The following PCDHA7 variants were observed in gnomAD, a reference collection of about 807,000 sequenced individuals.
PCDHA7 encodes protocadherin alpha-7.
Under a neutral mutation model 57.2 loss-of-function variants are expected in PCDHA7, and 37 were observed. That is an observed-to-expected ratio of 0.65 (90% CI 0.50 to 0.85). The LOEUF (loss-of-function observed/expected upper bound fraction) is 0.85, where lower values mean the gene tolerates loss of function less well. Among genes scored for constraint, PCDHA7 ranks in the 40% least tolerant of loss-of-function variants. The pLI is 0.00. For missense variants in PCDHA7, 1,188 were observed against 1,241.8 expected (o/e 0.96, Z 0.65); for synonymous variants, 553 against 558.8 (o/e 0.99, Z 0.15).
At chr5:140,891,025 T>G (rs1554184622) in intron 1 of PCDHA7, among the ~76,000 whole-genome samples, 1 of 151,814 alleles carries the variant, frequency 6.6e-6, no homozygotes, top group African/African-American at 2.4e-5. Flanking sequence ...TCTGAGGGTA[T>G]AATCTTAGGT....
In PCDHA7 at chr5:140,843,721, T is replaced by C. The variant is rs2150365557; in HGVS notation, c.2355+6983T>C. 8 of 1,563,020 alleles carry C rather than the reference T, an allele frequency of 5.1e-6. 1 individual carries two copies. Among genetic ancestry groups the C allele is most frequent in the Non-Finnish European group, 7.0e-6 (8 of 1,139,046 alleles). On this transcript the variant is annotated intron_variant, in intron 1 of 3. Coordinates refer to ENST00000525929, the MANE Select transcript of PCDHA7 (RefSeq NM_018910.3). ...ATGTTGATCATGGCCTCAAAGTAAG[T>C]CCATTTAAATTTAGAACTCATAAAT...
chr5:140,863,664 A>ATTTTGC (rs1331349828), intron 1 of PCDHA7: 1 of 285,864 alleles, frequency 3.5e-6, no homozygotes, highest in Non-Finnish European at 6.9e-6. Flanking sequence ...TGCTTTATTT[A>ATTTTGC]TTTTGCTTTT....
chr5:140,841,219 G>C (rs2150312047), intron 1 of PCDHA7: 33 of 1,437,984 alleles, frequency 2.3e-5, no homozygotes, highest in Admixed American at 4.6e-5. Flanking sequence ...TCTAAAGGCC[G>C]AACAACGGGA....
intron 1 of PCDHA7, among the ~76,000 whole-genome samples, chr5:140,935,315 A>G (rs552631416): frequency 5.9e-5 from 9 of 152,306 alleles, no homozygotes; most frequent in East Asian, 5.8e-4. Context: ...AACTTCATCA[A>G]TCTTACATTC....
intron 1 of PCDHA7, chr5:140,863,783 G>A: frequency 4.4e-6 from 1 of 226,522 alleles, no homozygotes; most frequent in South Asian, 6.5e-5. Flanking sequence ...CGGATCACTC[G>A]AGGCCAGGAG....
intron 3 of PCDHA7, among the ~76,000 whole-genome samples, chr5:140,988,678 T>G (rs190740461): frequency 6.6e-6 from 1 of 152,314 alleles, no homozygotes. Context: ...CTAAGATAAT[T>G]CTTTCCCTAG....
At chr5:140,882,300 C>T in intron 1 of PCDHA7, 2 of 1,613,722 alleles carry the variant, frequency 1.2e-6, no homozygotes, top group Non-Finnish European at 1.7e-6. Context: ...GGCCCAAGAC[C>T]GCGGCAACTA....
chr5:140,884,334 C>T (rs1405987385), intron 1 of PCDHA7: 1 of 1,613,746 alleles, frequency 6.2e-7, no homozygotes, highest in Non-Finnish European at 8.5e-7. Context: ...GCTGTGGGTC[C>T]AGAAGCGGCG....
intron 1 of PCDHA7, chr5:140,850,119 G>A: frequency 1.3e-6 from 2 of 1,596,076 alleles, no homozygotes; most frequent in East Asian, 2.2e-5. Flanking sequence ...CGACGCGGGC[G>A]TGCCGCCTCT....
At chr5:140,855,521 G>A (rs1349311147) in intron 1 of PCDHA7, among the ~76,000 whole-genome samples, 1 of 149,904 alleles carries the variant, frequency 6.7e-6, no homozygotes, top group Admixed American at 6.7e-5. Context: ...AAAATAATGA[G>A]AAAGAGAAGT....
At chr5:140,995,924 G>A (rs998405229) in intron 3 of PCDHA7, among the ~76,000 whole-genome samples, 16 of 152,308 alleles carry the variant, frequency 1.1e-4, no homozygotes, top group African/African-American at 3.8e-4. Flanking sequence ...ATAGGCTGTT[G>A]TAAGTATTAA....
In PCDHA7 at chr5:140,982,522, G is replaced by A; in HGVS notation, c.2462G>A (p.Gly821Glu). Residue 821 changes from glycine to glutamate, a missense_variant, in exon 3 of 4, where the codon GGG (glycine) becomes GAG (glutamate). Coordinates refer to ENST00000525929, the MANE Select transcript of PCDHA7 (RefSeq NM_018910.3). ...GGCATTCTACGGGCTGGTCCAGGAG[G>A]GCCTGATCAGCAGTGGCCAACAGTA... ...EAGILRAGPG[G>E]PDQQWPTVSS... 2.5e-6 allele frequency: 4 copies of A among 1,614,182 alleles called. No homozygotes were observed. Among genetic ancestry groups the A allele is most frequent in the Non-Finnish European group, 3.4e-6 (4 of 1,180,032 alleles).
intron 1 of PCDHA7, chr5:140,870,144 T>C (rs782683134): frequency 1.9e-6 from 3 of 1,614,058 alleles, no homozygotes; most frequent in Admixed American, 1.7e-5. Flanking sequence ...ATAACTCTCC[T>C]GAAGTCGCCG....
intron 1 of PCDHA7, chr5:140,862,299 T>C: frequency 3.7e-6 from 1 of 273,624 alleles, no homozygotes; most frequent in Non-Finnish European, 7.2e-6. Flanking sequence ...GACGCTCCAC[T>C]GGGTACCGTC....
At chr5:140,875,580 C>T (rs1381718234) in intron 1 of PCDHA7, 2 of 1,614,076 alleles carry the variant, frequency 1.2e-6, no homozygotes, top group East Asian at 2.2e-5. Flanking sequence ...ACTCCGTCTA[C>T]GAGGAGGCCA....
chr5:140,971,943 A>T (rs2096507947), intron 1 of PCDHA7, among the ~76,000 whole-genome samples: 1 of 152,186 alleles, frequency 6.6e-6, no homozygotes, highest in Non-Finnish European at 1.5e-5. Flanking sequence ...AGTTGTATCC[A>T]TCTGACTCCA....
chr5:140,933,276 G>T (rs1392004837), intron 1 of PCDHA7, among the ~76,000 whole-genome samples: 2 of 151,892 alleles, frequency 1.3e-5, no homozygotes, highest in Non-Finnish European at 2.9e-5. Context: ...TATTCATTTG[G>T]AACTTGTTTT....
chr5:140,969,251 A>G, intron 1 of PCDHA7: 1 of 1,614,262 alleles, frequency 6.2e-7, no homozygotes, highest in South Asian at 1.1e-5. Flanking sequence ...AGTGACTGAC[A>G]GCAGGAATCT....
rs1041924506 is a variant in PCDHA7 at position 140,932,800 on chromosome 5, C to T, written c.2356-46149C>T. ...GAGTGGACATAAGAGAAAAGCAATA[C>T]CTTGGAAACATATAAGTGGGAAAGT... On this transcript the variant is annotated intron_variant, in intron 1 of 3. Coordinates refer to ENST00000525929, the MANE Select transcript of PCDHA7 (RefSeq NM_018910.3). Among the ~76,000 whole-genome samples the T allele has an allele frequency of 2.6e-5, 4 of 151,684 alleles. No homozygotes were observed. The East Asian group carries it at 5.8e-4, about 22-fold the overall frequency.
Sources: allele counts gnomAD v4.1 joint callset (sites outside exome capture counted in the v4.1 genomes callset), GRCh38; gene constraint gnomAD v4.1.1; transcripts MANE v1.5; gene names NCBI Gene and HGNC (gene_info 2026-07-23, HGNC 2026-07-21).